CCDC169: variants seen among roughly 807,000 people sequenced by gnomAD.
CCDC169 encodes coiled-coil domain-containing protein 169.
In CCDC169, 30 loss-of-function variants were observed where a neutral mutation model predicts 36.0. The ratio of observed to expected loss-of-function variants is 0.83; its 90% CI spans 0.62 to 1.13. The LOEUF (loss-of-function observed/expected upper bound fraction) is 1.13, where lower values mean the gene tolerates loss of function less well. Among genes scored for constraint, CCDC169 ranks in the 50% most tolerant of loss-of-function variants. The pLI is 0.00. For synonymous variants in CCDC169, 85 were observed against 81.5 expected, an observed-to-expected ratio of 1.04 and a Z score of -0.23; for missense variants, 245 against 245.9, an observed-to-expected ratio of 1.00 and a Z score of 0.03.
At chr13:36,238,878 T>C (rs1871397971) in intron 7 of CCDC169, among the ~76,000 whole-genome samples, 1 of 151,864 alleles carries the variant, frequency 6.6e-6, no homozygotes, top group Admixed American at 6.6e-5. Context: ...AATAGCAATA[T>C]AAAAATAACA....
intron 4 of CCDC169, among the ~76,000 whole-genome samples, chr13:36,272,054 G>A (rs71438091): frequency 0.14 from 20,740 of 147,948 alleles, 1,486 homozygotes; most frequent in Admixed American, 0.18. Flanking sequence ...CACTGCACTC[G>A]CGCCCGGGTG....
chr13:36,226,106 T>C (rs1869861671), downstream of CCDC169: 1 of 152,154 alleles, frequency 6.6e-6, no homozygotes, highest in South Asian at 2.1e-4. Flanking sequence ...AAAACACAAA[T>C]CTTTCTACTA....
rs138457238 is a variant in CCDC169 at position 36,283,145 on chromosome 13, G to A, written c.315+324C>T. On this transcript the variant is annotated intron_variant, in intron 4 of 7. Transcript: ENST00000239859. ...CATGTCTGGGTTGAAAGTAACAAGC[G>A]TGCAAAAGGACTTATTTCTCCTCAA... 4.6e-4 allele frequency: 124 copies of A among 269,262 alleles called. 1 individual carries two copies. The East Asian group carries it at 8.9e-3, about 19-fold the overall frequency. 16.7% of individuals were successfully genotyped at this position (269,262 alleles called of 1,614,324 possible).
At chr13:36,268,956 T>G (rs1341218640) in intron 4 of CCDC169, among the ~76,000 whole-genome samples, 4 of 151,914 alleles carry the variant, frequency 2.6e-5, no homozygotes, top group Non-Finnish European at 4.4e-5. Flanking sequence ...AATACAAAAA[T>G]TAGCTGGGTG....
chr13:36,285,854 CTCCCATATTAAGTT>C (rs1878193922), intron 2 of CCDC169, among the ~76,000 whole-genome samples: 3 of 152,296 alleles, frequency 2.0e-5, no homozygotes, highest in Admixed American at 2.0e-4. Context: ...TCCTGCATGC[CTCCCATATTAAGTT>C]TCCCTTTGAA....
In CCDC169 at chr13:36,230,949, A is replaced by G. The variant is rs1870350739; in HGVS notation, c.*244T>C. On this transcript the variant is annotated 3_prime_UTR_variant, in exon 8 of 8. Transcript: ENST00000239859. ...TATTGAAAGCAAGTGTAATGATGCCAGCCTTCAGATTCCCTAGGATATTTT... is the reference window on the plus strand; with the variant it reads ...TATTGAAAGCAAGTGTAATGATGCCGGCCTTCAGATTCCCTAGGATATTTT... The G allele has an allele frequency of 8.3e-7, 1 of 1,211,004 alleles. No homozygotes were observed. Among genetic ancestry groups the G allele is most frequent in the African/African-American group, 1.6e-5 (1 of 63,696 alleles). 75.0% of individuals were successfully genotyped at this position (1,211,004 alleles called of 1,614,324 possible).
At chr13:36,240,717 C>A (rs140332146) in intron 7 of CCDC169, 14,685 of 800,604 alleles carry the variant, frequency 0.018, 175 homozygotes, top group Non-Finnish European at 0.022. Context: ...AAAAAATAAA[C>A]TTTAGTTTTC....
intron 7 of CCDC169, chr13:36,240,755 C>T: frequency 9.3e-6 from 4 of 427,856 alleles, no homozygotes; most frequent in South Asian, 8.8e-5. Flanking sequence ...CCTGTGGTAT[C>T]AGTTTTGAGC....
intron 1 of CCDC169, among the ~76,000 whole-genome samples, chr13:36,296,269 T>G (rs941683554): frequency 7.2e-5 from 11 of 152,282 alleles, no homozygotes; most frequent in African/African-American, 2.6e-4. Context: ...TTTTTTTGTA[T>G]TTTTAGAAGA....
At chr13:36,265,972 G>T (rs2138534440) in intron 4 of CCDC169, among the ~76,000 whole-genome samples, 1 of 152,294 alleles carries the variant, frequency 6.6e-6, no homozygotes, top group Non-Finnish European at 1.5e-5. Context: ...CGTTTCCTCA[G>T]TGTACAGTCA....
At chr13:36,285,614 G>GATAGATAGATAGATAC (rs568184993) in intron 2 of CCDC169, among the ~76,000 whole-genome samples, 9,503 of 137,538 alleles carry the variant, frequency 0.069, 364 homozygotes, top group Non-Finnish European at 0.098. Context: ...TAGATAGATA[G>GATAGATAGATAGATAC]ATAGATACAT....
chr13:36,260,690 C>T (rs1305562737), intron 4 of CCDC169, among the ~76,000 whole-genome samples: 1 of 152,140 alleles, frequency 6.6e-6, no homozygotes, highest in African/African-American at 2.4e-5. Flanking sequence ...CCTCACAATT[C>T]TCCTTTAGTG....
rs74045292 is a variant in CCDC169 at position 36,263,032 on chromosome 13, C to A, written c.316-8889G>T. Among the ~76,000 whole-genome samples the A allele has an allele frequency of 3.9e-3, 593 of 152,226 alleles. 2 individuals are homozygous for A. The highest frequency in any genetic ancestry group is 0.014 in the African/African-American group (569 of 41,536). On this transcript the variant is annotated intron_variant, in intron 4 of 7. Transcript: ENST00000239859. ...TCAAACCAAACCAAAATGCCCTCTA[C>A]AAAGGAGATGTTAAAGCCCAGGGTT... is the stretch of plus-strand genomic sequence containing the variant.
intron 2 of CCDC169, among the ~76,000 whole-genome samples, chr13:36,284,564 A>G (rs890249388): frequency 6.6e-6 from 1 of 152,210 alleles, no homozygotes; most frequent in African/African-American, 2.4e-5. Context: ...AACCTTAAGC[A>G]GTTTTCTTTC....
chr13:36,283,371 C>T, intron 4 of CCDC169, 98 bp downstream of exon 4: 2 of 1,138,594 alleles, frequency 1.8e-6, no homozygotes, highest in Non-Finnish European at 2.5e-6. Flanking sequence ...TTATTTGGAC[C>T]TTGCGCTAGT....
intron 7 of CCDC169, among the ~76,000 whole-genome samples, chr13:36,239,472 T>C (rs1473565489): frequency 1.3e-5 from 2 of 152,162 alleles, no homozygotes; most frequent in African/African-American, 4.8e-5. Flanking sequence ...ATGTTATTAA[T>C]AGCAAAACAG....
chr13:36,243,710 A>G (rs9546860), intron 7 of CCDC169, among the ~76,000 whole-genome samples: 61,553 of 151,850 alleles, frequency 0.41, 13,245 homozygotes, highest in Non-Finnish European at 0.48. Flanking sequence ...GGAGGCTGAG[A>G]CAGGAGAATC....
At chr13:36,252,476 T>C (rs975087951) in intron 6 of CCDC169, among the ~76,000 whole-genome samples, 3 of 152,200 alleles carry the variant, frequency 2.0e-5, no homozygotes, top group Non-Finnish European at 4.4e-5. Flanking sequence ...CCTCTAGATA[T>C]TCTGGATCAG....
chr13:36,262,418 G>C (rs533444670), intron 4 of CCDC169, among the ~76,000 whole-genome samples: 66 of 152,296 alleles, frequency 4.3e-4, no homozygotes, highest in African/African-American at 1.4e-3. Flanking sequence ...GCTAGATCTA[G>C]TCTCCTACTG....
Sources: gnomAD v4.1 joint callset for allele counts (sites outside exome capture counted in the v4.1 genomes callset) on GRCh38, gnomAD v4.1.1 for gene constraint, MANE v1.5 for transcripts, NCBI Gene and HGNC (gene_info 2026-07-23, HGNC 2026-07-21) for gene names.